Variants in DMD observed in about 807,000 individuals in gnomAD.
DMD encodes dystrophin.
In DMD, 63 loss-of-function variants were observed where a neutral mutation model predicts 330.1. The observed-to-expected ratio is 0.19, with a 90% CI of 0.16 to 0.24. DMD has a LOEUF of 0.24. Ranked by LOEUF, DMD falls within the 10% of genes least tolerant of loss-of-function variation. The pLI is 1.00. For synonymous variants in DMD, 1,223 were observed against 959.8 expected, an observed-to-expected ratio of 1.27 and a Z score of -5.07; for missense variants, 3,344 against 2,684.1, an observed-to-expected ratio of 1.25 and a Z score of -5.43.
chrX:32,594,507 A>G (rs751983129), intron 13 of DMD, among the ~76,000 whole-genome samples: 14 of 111,314 alleles, frequency 1.3e-4, no homozygotes, highest in African/African-American at 4.6e-4. Context: ...TTTTTCTTTT[A>G]GGGGATCCAA....
intron 30 of DMD, among the ~76,000 whole-genome samples, chrX:32,395,547 C>T (rs201593712): frequency 1.8e-5 from 2 of 110,735 alleles, no homozygotes; most frequent in Admixed American, 9.7e-5. Context: ...GTTGTGCACA[C>T]GTACCCTAGA....
chrX:33,115,834 G>A (rs73190205), intron 1 of DMD, among the ~76,000 whole-genome samples: 48,448 of 108,910 alleles, frequency 0.44, 8,362 homozygotes, highest in Non-Finnish European at 0.52. Context: ...TATGAACACA[G>A]TATTACTTAT....
At chrX:31,156,852 C>T (rs1253042611) in intron 74 of DMD, among the ~76,000 whole-genome samples, 2 of 111,654 alleles carry the variant, frequency 1.8e-5, no homozygotes, top group African/African-American at 3.3e-5. Context: ...GCATATCTAG[C>T]GCTTAGAAAG....
At chrX:32,843,654 G>A (rs1025717744) in intron 4 of DMD, among the ~76,000 whole-genome samples, 8 of 111,914 alleles carry the variant, frequency 7.1e-5, no homozygotes, top group Non-Finnish European at 1.3e-4. Flanking sequence ...AGTGATCAAC[G>A]TACTCAATGT....
intron 57 of DMD, among the ~76,000 whole-genome samples, chrX:31,484,781 T>G (rs1215179674): frequency 8.9e-6 from 1 of 112,232 alleles, no homozygotes; most frequent in Non-Finnish European, 1.9e-5. Context: ...GACTGATTGT[T>G]GACTCACTAA....
At chrX:33,069,161 T>C (rs2094707400) in intron 1 of DMD, among the ~76,000 whole-genome samples, 1 of 111,648 alleles carries the variant, frequency 9.0e-6, no homozygotes, top group Non-Finnish European at 1.9e-5. Flanking sequence ...AGCAAGCCAT[T>C]TTTGCAGTTG....
chrX:31,509,614 C>T (rs1013957238), intron 55 of DMD, among the ~76,000 whole-genome samples: 1 of 111,763 alleles, frequency 8.9e-6, no homozygotes, highest in African/African-American at 3.3e-5. Context: ...ATCACGAGCT[C>T]CTTAAGGTTA....
intron 17 of DMD, among the ~76,000 whole-genome samples, chrX:32,537,248 C>A (rs1885905895): frequency 9.0e-6 from 1 of 111,130 alleles, no homozygotes; most frequent in South Asian, 3.8e-4. Flanking sequence ...AGCCTATAAG[C>A]ATTTGAATTA....
chrX:32,048,302 GT>G (rs373753995), intron 44 of DMD, among the ~76,000 whole-genome samples: 1,424 of 97,437 alleles, frequency 0.015, 11 homozygotes, highest in Non-Finnish European at 0.016. Flanking sequence ...TTTGAACTGT[GT>G]TTTTTTTTTT....
chrX:31,279,735 G>C (rs945019697), intron 62 of DMD, among the ~76,000 whole-genome samples: 2 of 112,223 alleles, frequency 1.8e-5, no homozygotes, highest in African/African-American at 6.5e-5. Context: ...TAGTACAACT[G>C]GTCACACCAC....
In DMD at chrX:31,967,294, A is replaced by AGG. The variant is rs1290156343; in HGVS notation, c.6614+1043_6614+1044dup. ...AGGCTATAATTCTTTAACTTTGGCAAGGGGTGTGTGTGTGTGTGTGTGTGT... is the reference window on the plus strand; with the variant it reads ...AGGCTATAATTCTTTAACTTTGGCAAGGGGGGTGTGTGTGTGTGTGTGTGTGT... On this transcript the variant is annotated intron_variant, in intron 45 of 78. Transcript: ENST00000357033. Among the ~76,000 whole-genome samples, 18 of 78,295 alleles carry AGG rather than the reference A, an allele frequency of 2.3e-4. No homozygotes were observed. The South Asian group carries it at 8.2e-3, about 36-fold the overall frequency. The allele number at this position is 78,295 out of a possible 115,157, so 68.0% of individuals were successfully genotyped here.
At chrX:32,351,055 A>T (rs895031233) in intron 37 of DMD, among the ~76,000 whole-genome samples, 1 of 111,142 alleles carries the variant, frequency 9.0e-6, no homozygotes, top group African/African-American at 3.3e-5. Context: ...GATAAGATGA[A>T]TATCTACCTC....
At chrX:31,958,595 G>A (rs1306687535) in intron 45 of DMD, among the ~76,000 whole-genome samples, 4 of 111,681 alleles carry the variant, frequency 3.6e-5, no homozygotes, top group Non-Finnish European at 3.8e-5. Context: ...CATCTGCCAC[G>A]TTGGCTTCCT....
At chrX:32,909,910 C>A (rs780582824) in intron 2 of DMD, among the ~76,000 whole-genome samples, 2 of 112,009 alleles carry the variant, frequency 1.8e-5, no homozygotes, top group Admixed American at 9.5e-5. Flanking sequence ...CTGCCATCCA[C>A]CCCATATCTT....
chrX:31,262,452 T>C (rs1464407863), intron 62 of DMD, among the ~76,000 whole-genome samples: 1 of 112,196 alleles, frequency 8.9e-6, no homozygotes, highest in Non-Finnish European at 1.9e-5. Context: ...TAAAGACATA[T>C]GGAAATCATC....
intron 62 of DMD, among the ~76,000 whole-genome samples, chrX:31,263,276 C>T (rs2050705859): frequency 8.9e-6 from 1 of 111,980 alleles, no homozygotes; most frequent in Non-Finnish European, 1.9e-5. Flanking sequence ...AAACCTGTAC[C>T]AAACACAGTT....
intron 67 of DMD, among the ~76,000 whole-genome samples, chrX:31,194,911 C>CATCT (rs763927526): frequency 1.6e-3 from 181 of 111,841 alleles, no homozygotes; most frequent in African/African-American, 5.7e-3. Context: ...GTTCTTAAAG[C>CATCT]ATCTCCTCAT....
intron 1 of DMD, among the ~76,000 whole-genome samples, chrX:33,176,458 T>C (rs1364183643): frequency 9.2e-6 from 1 of 108,956 alleles, no homozygotes; most frequent in Non-Finnish European, 1.9e-5. Flanking sequence ...ATAATTATAT[T>C]GTCAACTAAA....
intron 33 of DMD, among the ~76,000 whole-genome samples, chrX:32,382,027 A>T (rs2097928007): frequency 9.0e-6 from 1 of 111,335 alleles, no homozygotes; most frequent in African/African-American, 3.3e-5. Flanking sequence ...GGGTAAAGGC[A>T]GACAACAGTT....
Sources: allele counts gnomAD v4.1 joint callset (sites outside exome capture counted in the v4.1 genomes callset), GRCh38; gene constraint gnomAD v4.1.1; transcripts MANE v1.5; gene names NCBI Gene and HGNC (gene_info 2026-07-23, HGNC 2026-07-21).